The following KCNU1 variants were observed in gnomAD, a reference collection of about 807,000 sequenced individuals.
The protein encoded by KCNU1 is potassium calcium-activated channel subfamily U member 1.
A neutral mutation model predicts 126.8 loss-of-function variants in KCNU1; 93 were observed. That is an observed-to-expected ratio of 0.73 (90% confidence interval 0.62 to 0.87). The LOEUF is 0.87. Ranked by LOEUF, KCNU1 falls within the 40% of genes least tolerant of loss-of-function variation. The probability of loss-of-function intolerance (pLI) is 0.00; values close to 1 mark genes in which losing one functional copy is unlikely to be tolerated. For missense variants in KCNU1, 1,330 were observed against 1,367.1 expected, an observed-to-expected ratio of 0.97 and a Z score of 0.43; for synonymous variants, 523 against 494.2, an observed-to-expected ratio of 1.06 and a Z score of -0.77.
intron 19 of KCNU1, among the ~76,000 whole-genome samples, chr8:36,882,589 A>ATT (rs879517446): frequency 6.8e-5 from 10 of 147,006 alleles, no homozygotes; most frequent in African/African-American, 2.2e-4. Flanking sequence ...ACATTTCACT[A>ATT]TTTTTTTTTT....
intron 2 of KCNU1, among the ~76,000 whole-genome samples, chr8:36,789,139 T>G (rs1417269993): frequency 6.6e-6 from 1 of 152,136 alleles, no homozygotes; most frequent in Non-Finnish European, 1.5e-5. Context: ...GAGAATCGCT[T>G]GAGCCTAGGA....
In KCNU1 at chr8:36,863,889, T is replaced by A. The variant is rs1805810759; in HGVS notation, c.1892-515T>A. Among the ~76,000 whole-genome samples, 5 of 152,216 alleles carry A rather than the reference T, an allele frequency of 3.3e-5. 2 individuals carry two copies. Among genetic ancestry groups the A allele is most frequent in the Admixed American group, 3.3e-4 (5 of 15,278 alleles). On this transcript the variant is annotated intron_variant, in intron 18 of 26. Coordinates refer to ENST00000399881, the MANE Select transcript of KCNU1 (RefSeq NM_001031836.3). ...ATTTCTTTTTGTGTTATTTCCAGAT[T>A]TGGAAATACACAAAAGTTTTGATAT... is the stretch of plus-strand genomic sequence containing the variant.
chr8:36,813,670 T>TA (rs147980321), intron 7 of KCNU1, among the ~76,000 whole-genome samples: 29,783 of 151,158 alleles, frequency 0.2, 3,099 homozygotes, highest in Admixed American at 0.29. Context: ...AAAGGTTTTT[T>TA]TAAAAAAAAA....
At chr8:36,916,209 G>A (rs1808098897) in intron 22 of KCNU1, among the ~76,000 whole-genome samples, 1 of 142,492 alleles carries the variant, frequency 7.0e-6, no homozygotes, top group Non-Finnish European at 1.5e-5. Flanking sequence ...AAAGGGGAGA[G>A]GGAAGGGAAG....
chr8:36,807,440 A>C lies in KCNU1; in HGVS notation c.646A>C (p.Ile216Leu), dbSNP rs759226629. The change falls in exon 6 of 27, where the codon ATC (isoleucine) becomes CTC (leucine). Residue 216 changes from isoleucine (I) to leucine (L), a missense_variant. Physicochemically the swap from Ile to Leu is conservative, Grantham distance 5. Coordinates refer to ENST00000399881, the MANE Select transcript of KCNU1 (RefSeq NM_001031836.3). ...TCAAATCTTGCAAATTCTACGAGCCATCAAGACCAGGTAAATAGCCCTGAC... is the reference window on the plus strand; with the variant it reads ...TCAAATCTTGCAAATTCTACGAGCCCTCAAGACCAGGTAAATAGCCCTGAC... ...LPQILQILRA[I>L]KTSNSVKFSK... 5 of 1,612,320 alleles carry C rather than the reference A, an allele frequency of 3.1e-6. No homozygotes were observed. Among genetic ancestry groups the C allele is most frequent in the Non-Finnish European group, 4.2e-6 (5 of 1,178,454 alleles).
chr8:36,832,823 C>T (rs777211239), intron 10 of KCNU1, among the ~76,000 whole-genome samples: 12 of 151,988 alleles, frequency 7.9e-5, no homozygotes, highest in Non-Finnish European at 1.2e-4. Context: ...TCCTAAAGCA[C>T]GGCTGTTGCT....
In KCNU1 at chr8:36,807,393, C is replaced by G. The variant is rs780396167; in HGVS notation, c.599C>G (p.Ala200Gly). Residue 200 changes from alanine (A) to glycine (G), a missense_variant, in exon 6 of 27, where the codon GCC (alanine) becomes GGC (glycine). Transcript: ENST00000399881. ...SNWLGLRFLR[A>G]LRLLELPQIL... ...TTTGTAGGTTTAAGGTTCCTAAGAG[C>G]CTTGCGCCTGCTAGAACTCCCTCAA... 4.3e-6 allele frequency: 7 copies of G among 1,613,338 alleles called. No homozygotes were observed. In the South Asian group the frequency reaches 7.7e-5, roughly 18 times the overall value.
intron 24 of KCNU1, among the ~76,000 whole-genome samples, chr8:36,927,781 T>C (rs1808577302): frequency 6.6e-6 from 1 of 152,104 alleles, no homozygotes; most frequent in African/African-American, 2.4e-5. Context: ...TTTTCTAACA[T>C]TGAAAGTCCA....
chr8:36,841,111 T>C lies in KCNU1; in HGVS notation c.1703+108T>C, dbSNP rs1013931184. The C allele has an allele frequency of 6.6e-6, 5 of 761,576 alleles. No homozygotes were observed. The African/African-American group carries it at 8.9e-5, about 14-fold the overall frequency. 47.2% of individuals were successfully genotyped at this position (761,576 alleles called of 1,614,324 possible). A position where few individuals can be genotyped will look rare whatever the true frequency, so the allele number is the denominator to read the frequency against. ...TCCAAAGATGCAGCTATAACTAAGC[T>C]TTTTCCCTTTGGTGGATTGGCTGAG... On this transcript the variant is annotated intron_variant, in intron 16 of 26. Coordinates refer to ENST00000399881, the MANE Select transcript of KCNU1 (RefSeq NM_001031836.3).
chr8:36,895,896 T>G (rs1315123921), intron 19 of KCNU1, among the ~76,000 whole-genome samples: 1 of 152,066 alleles, frequency 6.6e-6, no homozygotes, highest in East Asian at 1.9e-4. Context: ...TATAAATGCC[T>G]TCTAAGCAAT....
At chr8:36,798,085 T>C (rs2130375053) in intron 2 of KCNU1, among the ~76,000 whole-genome samples, 1 of 152,336 alleles carries the variant, frequency 6.6e-6, no homozygotes, top group East Asian at 1.9e-4. Context: ...GTCCAGTTGT[T>C]GTACTTGGTT....
chr8:36,842,050 C>T (rs935634240), intron 16 of KCNU1, among the ~76,000 whole-genome samples: 1 of 151,900 alleles, frequency 6.6e-6, no homozygotes, highest in Non-Finnish European at 1.5e-5. Context: ...CTCATGTGTA[C>T]TTTTTAGTGA....
intron 2 of KCNU1, among the ~76,000 whole-genome samples, chr8:36,799,573 C>G (rs1283150208): frequency 1.3e-5 from 2 of 151,780 alleles, no homozygotes; most frequent in African/African-American, 4.8e-5. Flanking sequence ...ACTCTGCTGT[C>G]ATCCAGGCTG....
At chr8:36,830,526 C>A (rs916999461) in intron 10 of KCNU1, among the ~76,000 whole-genome samples, 3 of 151,756 alleles carry the variant, frequency 2.0e-5, no homozygotes, top group African/African-American at 7.3e-5. Flanking sequence ...ATTATTTTGT[C>A]TTTTTTAGTA....
intron 6 of KCNU1, among the ~76,000 whole-genome samples, 171 bp from the exon 7 acceptor site, chr8:36,808,547 T>C (rs1803590835): frequency 6.6e-6 from 1 of 152,070 alleles, no homozygotes; most frequent in South Asian, 2.1e-4. Context: ...CCAATGCAGA[T>C]TGGGAGATCG....
intron 10 of KCNU1, among the ~76,000 whole-genome samples, chr8:36,818,770 A>G (rs1305029164): frequency 6.6e-6 from 1 of 152,146 alleles, no homozygotes; most frequent in Non-Finnish European, 1.5e-5. Context: ...TTGCATTATG[A>G]CATGTTCAAT....
intron 23 of KCNU1, among the ~76,000 whole-genome samples, chr8:36,920,414 G>A (rs192193199): frequency 6.6e-5 from 10 of 152,256 alleles, no homozygotes; most frequent in African/African-American, 2.2e-4. Flanking sequence ...GAGTGGTTGC[G>A]AAGAAATCAG....
Position 36,854,377 on chromosome 8 carries a change from G to A in KCNU1, c.1891+8478G>A, listed in dbSNP as rs182493444. On this transcript the variant is annotated intron_variant, in intron 18 of 26. Transcript: ENST00000399881. The stretch of plus-strand genomic sequence containing the variant: ...TTGGTACACTTGATAATGTCCCAGC[G>A]GTCCCTTAGGCTGTCTTCATTTTTC... Among the ~76,000 whole-genome samples, 58 of 151,680 alleles carry A rather than the reference G, an allele frequency of 3.8e-4. No individual in the cohort carries two copies. The East Asian group carries it at 9.1e-3, about 24-fold the overall frequency.
chr8:36,927,264 T>A (rs544650234), intron 24 of KCNU1, among the ~76,000 whole-genome samples: 5 of 152,192 alleles, frequency 3.3e-5, no homozygotes, highest in Non-Finnish European at 7.3e-5. Context: ...AACCTTCTGA[T>A]ACAGTTGACA....
Sources: gnomAD v4.1 joint callset for allele counts (sites outside exome capture counted in the v4.1 genomes callset) on GRCh38, gnomAD v4.1.1 for gene constraint, MANE v1.5 for transcripts, NCBI Gene and HGNC (gene_info 2026-07-23, HGNC 2026-07-21) for gene names.